The following OR51E2 variants were observed in gnomAD, a reference collection of about 807,000 sequenced individuals.
OR51E2 encodes the protein olfactory receptor family 51 subfamily E member 2, also known as olfactory receptor 51E2.
Under a neutral mutation model 13.7 loss-of-function variants are expected in OR51E2, and 14 were observed. The observed-to-expected ratio is 1.02, with a 90% CI of 0.68 to 1.60. The LOEUF is 1.60. OR51E2 is among the 40% of genes most tolerant of loss of function. OR51E2 has a pLI of 0.00. For missense variants in OR51E2, 483 were observed against 413.8 expected (o/e 1.17, Z -1.45); for synonymous variants, 180 against 157.6 (o/e 1.14, Z -1.07).
At chr11:4,696,967 T>C (rs1847663192) in intron 1 of OR51E2, among the ~76,000 whole-genome samples, 1 of 152,202 alleles carries the variant, frequency 6.6e-6, no homozygotes, top group Admixed American at 6.5e-5. Flanking sequence ...ATATTACTCA[T>C]AGAAATAGCT....
intron 1 of OR51E2, chr11:4,685,629 A>C (rs1022429910): frequency 6.6e-6 from 1 of 152,254 alleles, no homozygotes; most frequent in African/African-American, 2.4e-5. Flanking sequence ...TAAAGCCCAG[A>C]TGATATGACA....
chr11:4,681,757 C>A lies in OR51E2; in HGVS notation c.955G>T (p.Gly319Cys). Residue 319 changes from glycine (G) to cysteine (C), a missense_variant, in exon 2 of 2, where the codon GGC becomes TGC. Gly to Cys is a radical substitution (Grantham distance 159). Transcript: ENST00000396950. ...SCDKDLQAVG[G>C]K ...AAGTGTAGTGTTAAGGGTCACTTGC[C>A]TCCCACAGCCTGCAAGTCCTTGTCA... 1 of 1,613,814 alleles carries A rather than the reference C, an allele frequency of 6.2e-7. No homozygotes were observed. The highest frequency in any genetic ancestry group is 8.5e-7 in the Non-Finnish European group (1 of 1,179,718).
chr11:4,682,691 T>A lies in OR51E2; in HGVS notation c.21A>T (p.Thr7=). 9 of 1,613,738 alleles carry A rather than the reference T, an allele frequency of 5.6e-6. No individual in the cohort carries two copies. The highest frequency in any genetic ancestry group is 7.6e-6 in the Non-Finnish European group (9 of 1,179,692). The change falls in exon 2 of 2, where the codon ACA becomes ACT. Residue 7 remains threonine, a synonymous_variant. Coordinates refer to ENST00000396950, the MANE Select transcript of OR51E2 (RefSeq NM_030774.4). ...TACCAATAAGCACAAAGGTGGCATG[T>A]GTGAAGTTGCAGGAACTCATAGCTG... MSSCNF[T]HATFVLIGIP... is the part of the protein sequence containing the mutation.
Position 4,682,208 on chromosome 11 carries a change from G to A in OR51E2, c.504C>T (p.Cys168=), listed in dbSNP as rs756062920. ...LPLLIKRLAF[C]HSNVLSHSYC... is the part of the protein sequence containing the mutation. ...AGGAGTGCGAGAGGACATTGGAGTGGCAGAAGGCCAGCCGCTTGATCAGCA... is the reference window on the plus strand; with the variant it reads ...AGGAGTGCGAGAGGACATTGGAGTGACAGAAGGCCAGCCGCTTGATCAGCA... Residue 168 remains cysteine (C), a synonymous_variant, in exon 2 of 2, where the codon TGC becomes TGT. Coordinates refer to ENST00000396950, the MANE Select transcript of OR51E2 (RefSeq NM_030774.4). 3.7e-6 allele frequency: 6 copies of A among 1,614,208 alleles called. No individual in the cohort carries two copies. The highest frequency in any genetic ancestry group is 2.2e-5 in the East Asian group (1 of 44,878).
chr11:4,682,559 T>C lies in OR51E2; in HGVS notation c.153A>G (p.Glu51=), dbSNP rs772662847. 1.1e-5 allele frequency: 18 copies of C among 1,614,002 alleles called. No homozygotes were observed. In the South Asian group the frequency reaches 1.3e-4, roughly 12 times the overall value. ...GGTACATCGGAGCGTGCAGGCTGCG[T>C]TCCGTCCTTACGATGAAGACCACGA... The part of the protein sequence containing the change: ...NCIVVFIVRT[E]RSLHAPMYLF... The change falls in exon 2 of 2, where the codon GAA becomes GAG. Residue 51 remains glutamate, a synonymous_variant. Coordinates refer to ENST00000396950, the MANE Select transcript of OR51E2 (RefSeq NM_030774.4).
In OR51E2 at chr11:4,697,680, C is replaced by T. The variant is rs1732367952; in HGVS notation, c.-78G>A. 1 of 152,652 alleles carries T rather than the reference C, an allele frequency of 6.6e-6. No individual in the cohort carries two copies. Among genetic ancestry groups the T allele is most frequent in the Non-Finnish European group, 1.5e-5 (1 of 68,048 alleles). The allele number at this position is 152,652 out of a possible 1,614,324, so 9.5% of individuals were successfully genotyped here. ...AGCCCATACAGCAGTTCGGCCTGTTCCTTTCAGGCTGACTCAGAAGGCTGA... is the reference window on the plus strand; with the variant it reads ...AGCCCATACAGCAGTTCGGCCTGTTTCTTTCAGGCTGACTCAGAAGGCTGA... On this transcript the variant is annotated 5_prime_UTR_variant, in exon 1 of 2. Coordinates refer to ENST00000396950, the MANE Select transcript of OR51E2 (RefSeq NM_030774.4).
At chr11:4,690,177 C>T (rs1749685848) in intron 1 of OR51E2, among the ~76,000 whole-genome samples, 1 of 151,528 alleles carries the variant, frequency 6.6e-6, no homozygotes. Context: ...CCATCAGCAA[C>T]ACCAGTTACT....
chr11:4,684,418 CA>C (rs146505794), intron 1 of OR51E2, among the ~76,000 whole-genome samples: 5,996 of 152,154 alleles, frequency 0.039, 244 homozygotes, highest in East Asian at 0.19. Flanking sequence ...GAACTTTAAA[CA>C]AATCATACTG....
chr11:4,693,259 T>A (rs554446748), intron 1 of OR51E2, among the ~76,000 whole-genome samples: 1 of 152,274 alleles, frequency 6.6e-6, no homozygotes, highest in East Asian at 1.9e-4. Flanking sequence ...TAAGATAAAA[T>A]GATTTTGAAA....
chr11:4,688,826 T>C (rs1042569762), intron 1 of OR51E2, among the ~76,000 whole-genome samples: 3 of 152,198 alleles, frequency 2.0e-5, no homozygotes, highest in Admixed American at 6.5e-5. Flanking sequence ...AAAGGTTAGA[T>C]GTAGCATCGG....
Position 4,687,679 on chromosome 11 carries a change from A to G in OR51E2, c.-50-4918T>C, listed in dbSNP as rs1440556374. ...GATAGAAATGTGGAAACAGCAGTGA[A>G]CAGACCCAGTGCCTGGCCCCGAGAA... On this transcript the variant is annotated intron_variant, in intron 1 of 1. Coordinates refer to ENST00000396950, the MANE Select transcript of OR51E2 (RefSeq NM_030774.4). Among the ~76,000 whole-genome samples, 4 of 152,206 alleles carry G rather than the reference A, an allele frequency of 2.6e-5. No homozygotes were observed. The East Asian group carries it at 7.7e-4, about 29-fold the overall frequency.
At chr11:4,693,361 G>C (rs1172247030) in intron 1 of OR51E2, among the ~76,000 whole-genome samples, 1 of 152,208 alleles carries the variant, frequency 6.6e-6, no homozygotes, top group African/African-American at 2.4e-5. Context: ...AGCAGTGCTT[G>C]AAAGATTTCT....
chr11:4,682,059 A>C lies in OR51E2; in HGVS notation c.653T>G (p.Phe218Cys). The change falls in exon 2 of 2, where the codon TTT becomes TGT. Residue 218 changes from phenylalanine (F) to cysteine (C), a missense_variant. Coordinates refer to ENST00000396950, the MANE Select transcript of OR51E2 (RefSeq NM_030774.4). ...VDVMFISLSY[F>C]LIIRTVLQLP... Reference sequence around the variant, plus strand: ...TTGCAGAACCGTTCGTATTATCAGAAAATAGGACAAGGAGATGAACATTAC... The same window carrying C: ...TTGCAGAACCGTTCGTATTATCAGACAATAGGACAAGGAGATGAACATTAC... The C allele has an allele frequency of 6.2e-7, 1 of 1,614,248 alleles. No homozygotes were observed. Among genetic ancestry groups the C allele is most frequent in the Non-Finnish European group, 8.5e-7 (1 of 1,180,050 alleles).
At position 4,681,553 on chromosome 11, in the gene OR51E2, C is replaced by A; in HGVS notation, c.*196G>T. ...TAAGCATGTTTGGTTTTATTGTAGT[C>A]TTTAAATCATGTAATACTTCATTAG... On this transcript the variant is annotated 3_prime_UTR_variant, in exon 2 of 2. Coordinates refer to ENST00000396950, the MANE Select transcript of OR51E2 (RefSeq NM_030774.4). The A allele has an allele frequency of 1.7e-6, 1 of 602,168 alleles. No individual in the cohort carries two copies. Among genetic ancestry groups the A allele is most frequent in the Non-Finnish European group, 2.9e-6 (1 of 348,486 alleles). The allele number at this position is 602,168 out of a possible 1,614,324, so 37.3% of individuals were successfully genotyped here.
At chr11:4,696,993 C>A (rs990607982) in intron 1 of OR51E2, among the ~76,000 whole-genome samples, 9 of 152,178 alleles carry the variant, frequency 5.9e-5, no homozygotes, top group African/African-American at 2.2e-4. Flanking sequence ...TTACTGGACA[C>A]GTGTTCTGTG....
intron 1 of OR51E2, among the ~76,000 whole-genome samples, chr11:4,692,527 C>T (rs1037820330): frequency 3.3e-5 from 5 of 152,022 alleles, no homozygotes; most frequent in Non-Finnish European, 7.4e-5. Context: ...TGTTTTGTTT[C>T]GGAGGGAAAA....
chr11:4,694,521 TAC>T (rs1486509426), intron 1 of OR51E2, among the ~76,000 whole-genome samples: 1 of 142,408 alleles, frequency 7.0e-6, no homozygotes, highest in African/African-American at 2.6e-5. Context: ...TATATATATA[TAC>T]ACACACACAT....
At chr11:4,688,178 A>G (rs1044529489) in intron 1 of OR51E2, among the ~76,000 whole-genome samples, 1 of 152,204 alleles carries the variant, frequency 6.6e-6, no homozygotes, top group African/African-American at 2.4e-5. Flanking sequence ...ATACTGGGGT[A>G]TAAAAATGCT....
chr11:4,697,273 C>G (rs1847666386), intron 1 of OR51E2, among the ~76,000 whole-genome samples: 1 of 152,170 alleles, frequency 6.6e-6, no homozygotes, highest in Non-Finnish European at 1.5e-5. Context: ...ACCCAGTTTC[C>G]TCATCTATAA....
Sources: gnomAD v4.1 joint callset for allele counts (sites outside exome capture counted in the v4.1 genomes callset) on GRCh38, gnomAD v4.1.1 for gene constraint, MANE v1.5 for transcripts, NCBI Gene and HGNC (gene_info 2026-07-23, HGNC 2026-07-21) for gene names.